PCDHA6: variants seen among roughly 807,000 people sequenced by gnomAD.
PCDHA6 encodes the protein protocadherin alpha 6.
Under a neutral mutation model 60.3 loss-of-function variants are expected in PCDHA6, and 55 were observed. That is an observed-to-expected ratio of 0.91 (90% CI 0.73 to 1.14). The LOEUF (loss-of-function observed/expected upper bound fraction) is 1.14. Ranked by LOEUF, PCDHA6 falls within the 50% of genes most tolerant of loss-of-function variation. The pLI is 0.00. For synonymous variants in PCDHA6, 652 were observed against 557.9 expected (o/e 1.17, Z -2.38); for missense variants, 1,327 against 1,256.5 (o/e 1.06, Z -0.85).
At chr5:140,841,400 G>C (rs1777194245) in intron 1 of PCDHA6, 1 of 1,613,096 alleles carries the variant, frequency 6.2e-7, no homozygotes, top group Admixed American at 1.7e-5. Context: ...CTGGAAGGTG[G>C]GGAGCGGCCA....
chr5:140,882,111 C>A, intron 1 of PCDHA6: 1 of 1,379,348 alleles, frequency 7.2e-7, no homozygotes, highest in Non-Finnish European at 9.8e-7. Context: ...GCGAAGAAAG[C>A]CGCCGTTTCT....
chr5:140,852,048 G>T, intron 1 of PCDHA6: 1 of 917,014 alleles, frequency 1.1e-6, no homozygotes, highest in Non-Finnish European at 1.3e-6. Flanking sequence ...TTGTTATGTG[G>T]TTTATATTTT....
intron 1 of PCDHA6, among the ~76,000 whole-genome samples, chr5:140,840,665 CA>C (rs1776810280): frequency 6.6e-6 from 1 of 151,998 alleles, no homozygotes; most frequent in Admixed American, 6.6e-5. Flanking sequence ...TATGCACATA[CA>C]TTTTTATTAC....
At chr5:141,000,414 TATATA>T (rs1398508145) in intron 3 of PCDHA6, among the ~76,000 whole-genome samples, 89 of 99,526 alleles carry the variant, frequency 8.9e-4, no homozygotes, top group African/African-American at 1.6e-3. Context: ...TATATATATA[TATATA>T]TATTTTTTTT....
In PCDHA6 at chr5:141,010,039, T is replaced by G. The variant is rs2098415843; in HGVS notation, c.*102T>G. ...TCCTTTTTCCTATCTACATGAGCCCTCTTAGAGACCTCAGAAATCTGCAGA... is the reference window on the plus strand; with the variant it reads ...TCCTTTTTCCTATCTACATGAGCCCGCTTAGAGACCTCAGAAATCTGCAGA... On this transcript the variant is annotated 3_prime_UTR_variant, in exon 4 of 4. Coordinates refer to ENST00000529310, the MANE Select transcript of PCDHA6 (RefSeq NM_018909.4). The G allele has an allele frequency of 1.4e-5, 23 of 1,593,158 alleles. No homozygotes were observed. Among genetic ancestry groups the G allele is most frequent in the Non-Finnish European group, 1.8e-5 (21 of 1,170,616 alleles).
At chr5:140,927,409 A>T (rs1554204480) in intron 1 of PCDHA6, 4 of 1,614,120 alleles carry the variant, frequency 2.5e-6, no homozygotes, top group Non-Finnish European at 3.4e-6. Context: ...TCGCCTGGAC[A>T]TGGGATCGCG....
At chr5:140,871,126 C>T in intron 1 of PCDHA6, 1 of 1,613,370 alleles carries the variant, frequency 6.2e-7, no homozygotes. Context: ...CGGACAGGCG[C>T]CAAAGGCCTC....
At chr5:140,870,243 C>T (rs782592982) in intron 1 of PCDHA6, 1 of 1,614,178 alleles carries the variant, frequency 6.2e-7, no homozygotes, top group South Asian at 1.1e-5. Flanking sequence ...ACTCAGGTGT[C>T]AACGGACAGG....
Position 140,920,894 on chromosome 5 carries a change from T to G in PCDHA6, c.2395-58055T>G, listed in dbSNP as rs114918834. Among the ~76,000 whole-genome samples the G allele has an allele frequency of 2.6e-3, 390 of 151,496 alleles. 2 individuals carry two copies. The highest frequency in any genetic ancestry group is 9.2e-3 in the African/African-American group (379 of 41,284). Reference sequence around the variant, plus strand: ...GTGGCCCTTAGAACTTAAAGTCATATTTTGGTTCTCAAATCAGTTCCAAGA... The same window carrying G: ...GTGGCCCTTAGAACTTAAAGTCATAGTTTGGTTCTCAAATCAGTTCCAAGA... On this transcript the variant is annotated intron_variant, in intron 1 of 3. Coordinates refer to ENST00000529310, the MANE Select transcript of PCDHA6 (RefSeq NM_018909.4).
intron 1 of PCDHA6, chr5:140,835,744 C>A: frequency 1.2e-6 from 2 of 1,613,652 alleles, no homozygotes; most frequent in Non-Finnish European, 1.7e-6. Context: ...AACGCCCCGG[C>A]GTTCGCGCAG....
At chr5:140,882,855 T>C in intron 1 of PCDHA6, 1 of 1,614,230 alleles carries the variant, frequency 6.2e-7, no homozygotes, top group Non-Finnish European at 8.5e-7. Context: ...TCACTTGTAC[T>C]GAGGAAAACA....
rs1554229569 is a variant in PCDHA6, at chr5:140,967,454, G to A, written c.2395-11495G>A. ...CTTGCACCACCTGGTTCTCACAGCCGTGGATGGGGGCATCCCAGCCCGCTC... is the reference window on the plus strand; with the variant it reads ...CTTGCACCACCTGGTTCTCACAGCCATGGATGGGGGCATCCCAGCCCGCTC... On this transcript the variant is annotated intron_variant, in intron 1 of 3. Transcript: ENST00000529310. 6.2e-7 allele frequency: 1 copy of A among 1,613,614 alleles called. No individual in the cohort carries two copies. Among genetic ancestry groups the A allele is most frequent in the Admixed American group, 1.7e-5 (1 of 60,010 alleles).
At chr5:140,869,723 A>C (rs782155135) in intron 1 of PCDHA6, 8 of 1,613,430 alleles carry the variant, frequency 5.0e-6, no homozygotes, top group Non-Finnish European at 6.8e-6. Context: ...AAAACTCCGG[A>C]ACTTAATTTG....
At position 140,835,760 on chromosome 5, in the gene PCDHA6, G is replaced by A. The variant is rs2150244250; in HGVS notation, c.2394+5275G>A. On this transcript the variant is annotated intron_variant, in intron 1 of 3. Coordinates refer to ENST00000529310, the MANE Select transcript of PCDHA6 (RefSeq NM_018909.4). ...ACGCCCCGGCGTTCGCGCAGCCCGAGTATACGGTGTTCGTGAAGGAGAACA... is the reference window on the plus strand; with the variant it reads ...ACGCCCCGGCGTTCGCGCAGCCCGAATATACGGTGTTCGTGAAGGAGAACA... 15 of 1,613,420 alleles carry A rather than the reference G, an allele frequency of 9.3e-6. 1 individual carries two copies. The East Asian group carries it at 3.3e-4, about 36-fold the overall frequency.
rs1195729562 is a variant in PCDHA6, at chr5:140,897,783, G to A, written c.2394+67298G>A. 1.3e-3 allele frequency among the ~76,000 whole-genome samples: 204 copies of A among 152,264 alleles called. 1 individual carries two copies. The highest frequency in any genetic ancestry group is 0.011 in the South Asian group (52 of 4,820). ...CGCCACACTGACTTCCACAATGGTTGAACTAGTTTAGAGTCCCACCAACAG... is the reference window on the plus strand; with the variant it reads ...CGCCACACTGACTTCCACAATGGTTAAACTAGTTTAGAGTCCCACCAACAG... On this transcript the variant is annotated intron_variant, in intron 1 of 3. Transcript: ENST00000529310.
In PCDHA6 at chr5:140,828,503, C is replaced by A. The variant is rs1165644843; in HGVS notation, c.412C>A (p.Gln138Lys). ...CCCGCCCTTGTTCCCGGTAGAGGAA[C>A]AAAGAGTGCTGATTTACGAATCTAG... ...DNPPLFPVEE[Q>K]RVLIYESRLP... The change falls in exon 1 of 4, where the codon CAA becomes AAA. Residue 138 changes from glutamine (Q) to lysine (K), a missense_variant. Transcript: ENST00000529310. The A allele has an allele frequency of 1.9e-6, 3 of 1,614,120 alleles. No individual in the cohort carries two copies. Among genetic ancestry groups the A allele is most frequent in the Admixed American group, 1.7e-5 (1 of 60,002 alleles).
Position 140,941,322 on chromosome 5 carries a change from T to C in PCDHA6, c.2395-37627T>C, listed in dbSNP as rs1340835610. Among the ~76,000 whole-genome samples the C allele has an allele frequency of 3.4e-5, 5 of 145,550 alleles. No individual in the cohort carries two copies. The East Asian group carries it at 6.0e-4, about 17-fold the overall frequency. The stretch of plus-strand genomic sequence containing the variant: ...TTTCTTTCTTTTTCTTCTTTCTCTT[T>C]TTTTTTTTTTTTCAGATGGAGTCTT... On this transcript the variant is annotated intron_variant, in intron 1 of 3. Coordinates refer to ENST00000529310, the MANE Select transcript of PCDHA6 (RefSeq NM_018909.4).
At chr5:140,920,746 A>AG (rs1190651507) in intron 1 of PCDHA6, among the ~76,000 whole-genome samples, 2 of 151,430 alleles carry the variant, frequency 1.3e-5, no homozygotes, top group African/African-American at 4.8e-5. Context: ...CAGGAGGCTG[A>AG]GGCAGGAGAA....
chr5:140,835,233 G>A (rs2150232386), intron 1 of PCDHA6: 2 of 1,597,634 alleles, frequency 1.3e-6, no homozygotes, highest in Non-Finnish European at 1.7e-6. Context: ...CTTCTCCAGT[G>A]ATGTTTCTCC....
Sources: gnomAD v4.1 joint callset for allele counts (sites outside exome capture counted in the v4.1 genomes callset) on GRCh38, gnomAD v4.1.1 for gene constraint, MANE v1.5 for transcripts, NCBI Gene and HGNC (gene_info 2026-07-23, HGNC 2026-07-21) for gene names.